The following TPST2 variants were observed in gnomAD, a reference collection of about 807,000 sequenced individuals.
The protein encoded by TPST2 is tyrosylprotein sulfotransferase 2, also known as protein-tyrosine sulfotransferase 2.
A neutral mutation model predicts 27.8 loss-of-function variants in TPST2; 16 were observed. The observed-to-expected ratio is 0.58, with a 90% confidence interval of 0.39 to 0.88. TPST2 has a LOEUF of 0.88. Ranked by LOEUF, TPST2 falls within the 40% of genes least tolerant of loss-of-function variation. The pLI, the probability that TPST2 is intolerant of heterozygous loss-of-function variation, is 0.00. For missense variants in TPST2, 464 were observed against 543.1 expected, an observed-to-expected ratio of 0.85 and a Z score of 1.45; for synonymous variants, 229 against 231.7, an observed-to-expected ratio of 0.99 and a Z score of 0.10.
intron 1 of TPST2, among the ~76,000 whole-genome samples, chr22:26,570,259 G>A (rs1210893953): frequency 1.3e-5 from 2 of 151,872 alleles, no homozygotes; most frequent in South Asian, 4.2e-4. Flanking sequence ...GCAGGACGGC[G>A]CTCTCCCAGG....
At chr22:26,537,394 T>C (rs1274746748) in intron 3 of TPST2, among the ~76,000 whole-genome samples, 2 of 152,176 alleles carry the variant, frequency 1.3e-5, no homozygotes, top group African/African-American at 4.8e-5. Flanking sequence ...CTCACTGGGG[T>C]TGTCTGAAGA....
At chr22:26,570,041 A>T (rs113904318) in intron 1 of TPST2, among the ~76,000 whole-genome samples, 1 of 103,348 alleles carries the variant, frequency 9.7e-6, no homozygotes, top group Non-Finnish European at 2.0e-5. Context: ...GAAAGAAAGA[A>T]AGACAGAAAG....
rs201308833 is a variant in TPST2 at position 26,560,990 on chromosome 22, C to T, written c.-160-16315G>A. ...AGGCTGCGAAGCTGAAGGAAAAATA[C>T]GAAAAGGATATTGCTGCATATCGAG... On this transcript the variant is annotated intron_variant, in intron 1 of 6. Coordinates refer to ENST00000338754, the MANE Select transcript of TPST2 (RefSeq NM_003595.5). The T allele has an allele frequency of 4.8e-5, 78 of 1,608,584 alleles. No individual in the cohort carries two copies. In the Admixed American group the frequency reaches 5.7e-4, roughly 12 times the overall value.
Position 26,590,109 on chromosome 22 carries a change from C to G in TPST2, c.-217G>C, listed in dbSNP as rs547234029. 6.6e-6 allele frequency: 1 copy of G among 151,986 alleles called. No homozygotes were observed. The highest frequency in any genetic ancestry group is 6.6e-5 in the Admixed American group (1 of 15,250). 9.4% of individuals were successfully genotyped at this position (151,986 alleles called of 1,614,324 possible). ...ACCCAGCGACTCCCGGCTCTCCAGC[C>G]GCCCCAGCCGGGGAAGGGGGAGGTG... On this transcript the variant is annotated 5_prime_UTR_variant, in exon 1 of 7. Transcript: ENST00000338754.
At chr22:26,528,591 C>A (rs1413736271) in intron 5 of TPST2, among the ~76,000 whole-genome samples, 1 of 152,202 alleles carries the variant, frequency 6.6e-6, no homozygotes, top group Non-Finnish European at 1.5e-5. Context: ...AAGGACTCTA[C>A]AAGATGGCAT....
chr22:26,532,708 T>C lies in TPST2; in HGVS notation c.1079A>G (p.Lys360Arg). 1 of 1,614,016 alleles carries C rather than the reference T, an allele frequency of 6.2e-7. No individual in the cohort carries two copies. The highest frequency in any genetic ancestry group is 1.3e-5 in the African/African-American group (1 of 75,038). ...GGGGTTTCTAACCTGAAAATATCCT[T>C]TCAGATTGGCTGGTGTTTTATAGTC... ...KGDYKTPANLKGYFQVNQNST... is the reference protein window; with the variant it reads ...KGDYKTPANLRGYFQVNQNST... The change falls in exon 5 of 7, where the codon AAA becomes AGA. Residue 360 changes from lysine (K) to arginine (R), a missense_variant. Transcript: ENST00000338754.
chr22:26,560,696 A>G, intron 1 of TPST2: 1 of 1,110,624 alleles, frequency 9.0e-7, no homozygotes, highest in South Asian at 1.2e-5. Context: ...CTAAAGAGAA[A>G]GGAAAATTTG....
chr22:26,532,470 G>A (rs546471708), intron 5 of TPST2, among the ~76,000 whole-genome samples: 3 of 152,210 alleles, frequency 2.0e-5, no homozygotes, highest in South Asian at 4.2e-4. Context: ...TAGTAGAGAC[G>A]GGGTTTCACC....
At chr22:26,549,662 A>G (rs1300933731) in intron 1 of TPST2, among the ~76,000 whole-genome samples, 4 of 148,790 alleles carry the variant, frequency 2.7e-5, no homozygotes, top group African/African-American at 7.4e-5. Flanking sequence ...GTCTCAAAAA[A>G]AAAAAAAAAA....
intron 1 of TPST2, among the ~76,000 whole-genome samples, chr22:26,563,575 C>T (rs561230589): frequency 2.0e-4 from 30 of 152,002 alleles, no homozygotes; most frequent in Middle Eastern, 3.4e-3. Context: ...GTGATCCACC[C>T]GCCTCGGCCT....
chr22:26,535,595 G>A (rs1925409100), intron 4 of TPST2, among the ~76,000 whole-genome samples: 1 of 152,152 alleles, frequency 6.6e-6, no homozygotes. Flanking sequence ...CCTGGGCAAC[G>A]TAGCGAGACC....
chr22:26,546,781 G>A (rs1926149851), intron 1 of TPST2, among the ~76,000 whole-genome samples: 1 of 152,240 alleles, frequency 6.6e-6, no homozygotes, highest in Admixed American at 6.5e-5. Context: ...ATTTAGGATG[G>A]GGTAGGCCAA....
intron 1 of TPST2, among the ~76,000 whole-genome samples, chr22:26,574,758 C>T (rs933781188): frequency 6.6e-6 from 1 of 152,184 alleles, no homozygotes; most frequent in Admixed American, 6.5e-5. Flanking sequence ...ATCCTCACCA[C>T]CCAGAATGTA....
intron 1 of TPST2, among the ~76,000 whole-genome samples, chr22:26,570,979 C>A (rs1315999842): frequency 6.6e-6 from 1 of 152,216 alleles, no homozygotes; most frequent in Non-Finnish European, 1.5e-5. Flanking sequence ...TCATCACTAG[C>A]TTCCCTGATT....
chr22:26,588,702 C>A (rs1428335291), intron 1 of TPST2, among the ~76,000 whole-genome samples: 1 of 152,042 alleles, frequency 6.6e-6, no homozygotes, highest in Non-Finnish European at 1.5e-5. Context: ...ATGAAATAAA[C>A]CCAGCTTTAC....
chr22:26,572,872 T>C (rs972281415), intron 1 of TPST2, among the ~76,000 whole-genome samples: 4 of 152,136 alleles, frequency 2.6e-5, no homozygotes. Flanking sequence ...GTCATTTTGC[T>C]CATCAATAAG....
intron 1 of TPST2, among the ~76,000 whole-genome samples, chr22:26,582,314 C>T (rs1392420766): frequency 1.3e-5 from 2 of 152,148 alleles, no homozygotes; most frequent in Non-Finnish European, 2.9e-5. Flanking sequence ...GTAATCCCAG[C>T]TACTTGGGAG....
At chr22:26,560,483 G>A (rs1255936124) in intron 1 of TPST2, 13 of 765,194 alleles carry the variant, frequency 1.7e-5, no homozygotes, top group South Asian at 7.7e-5. Context: ...AGAGCCGGAC[G>A]GGCACTGGGC....
chr22:26,530,164 CA>C (rs1925073972), intron 5 of TPST2, among the ~76,000 whole-genome samples: 1 of 152,144 alleles, frequency 6.6e-6, no homozygotes, highest in African/African-American at 2.4e-5. Context: ...TTTTAAGAGA[CA>C]GGGGCTCCAG....
Sources: allele counts gnomAD v4.1 joint callset (sites outside exome capture counted in the v4.1 genomes callset), GRCh38; gene constraint gnomAD v4.1.1; transcripts MANE v1.5; gene names NCBI Gene and HGNC (gene_info 2026-07-23, HGNC 2026-07-21).